Variants in BAZ2B observed in about 807,000 individuals in gnomAD.
BAZ2B encodes the protein bromodomain adjacent to zinc finger domain protein 2B.
In BAZ2B, 91 loss-of-function variants were observed where a neutral mutation model predicts 246.0. The observed-to-expected ratio is 0.37, with a 90% CI of 0.31 to 0.44. BAZ2B has a LOEUF of 0.44. BAZ2B is among the 20% of genes least tolerant of loss of function. BAZ2B has a pLI of 1.00. For missense variants in BAZ2B, 2,332 were observed against 2,533.7 expected (o/e 0.92, Z 1.71); for synonymous variants, 855 against 860.0 (o/e 0.99, Z 0.10).
chr2:159,707,884 G>A, the BAZ2B span, among the ~76,000 whole-genome samples: 44 of 151,822 alleles, frequency 2.9e-4, 1 homozygote, highest in Non-Finnish European at 1.0e-4. Context: ...CGAGCTACTC[G>A]GGAGGCTGAG....
At chr2:159,404,504 G>T (rs2065593036) in intron 16 of BAZ2B, 1 of 169,896 alleles carries the variant, frequency 5.9e-6, no homozygotes, top group African/African-American at 2.4e-5. Context: ...AGAAAAACAA[G>T]CTTTTATTAA....
chr2:159,682,019 T>C, the BAZ2B span, among the ~76,000 whole-genome samples: 1 of 152,022 alleles, frequency 6.6e-6, no homozygotes, highest in Non-Finnish European at 1.5e-5. Context: ...AGGATTAGTA[T>C]AAATGGGAGA....
At position 159,344,509 on chromosome 2, in the gene BAZ2B, G is replaced by A. The variant is rs1264150447; in HGVS notation, c.5454+2977C>T. ...AGATGGCGCCATTGAACTCCAGCCC[G>A]GGCAACAAGAGTGAAACTCCGTCTC... On this transcript the variant is annotated intron_variant, in intron 31 of 36. Transcript: ENST00000392783. 4.7e-5 allele frequency among the ~76,000 whole-genome samples: 7 copies of A among 148,072 alleles called. No homozygotes were observed. In the South Asian group the frequency reaches 8.7e-4, roughly 18 times the overall value.
At position 159,348,695 on chromosome 2, in the gene BAZ2B, C is replaced by A. The variant is rs913743342; in HGVS notation, c.5276G>T (p.Cys1759Phe). The A allele has an allele frequency of 1.9e-6, 3 of 1,600,662 alleles. No individual in the cohort carries two copies. The highest frequency in any genetic ancestry group is 4.5e-5 in the East Asian group (2 of 44,768). Residue 1759 changes from cysteine to phenylalanine, a missense_variant, in exon 30 of 37, where the codon TGC becomes TTC. By Grantham distance (205) the Cys-to-Phe change is radical (BLOSUM62 -2). Transcript: ENST00000392783. The part of the protein sequence containing the change: ...QKHLDYITQA[C>F]LKNKDVAIIE... Reference sequence around the variant, plus strand: ...GTACACACCATCCTTATTCTTGAGGCAGGCTTGAGTAATATAATCCAAATG... The same window carrying A: ...GTACACACCATCCTTATTCTTGAGGAAGGCTTGAGTAATATAATCCAAATG...
intron 18 of BAZ2B, 147 bp from the exon 19 acceptor site, chr2:159,397,536 TA>T: frequency 2.1e-6 from 1 of 485,800 alleles, no homozygotes; most frequent in South Asian, 4.4e-5. Context: ...TTTTTATTTA[TA>T]AAATGTCAAT....
At chr2:159,403,595 A>G (rs1210578822) in intron 16 of BAZ2B, among the ~76,000 whole-genome samples, 1 of 152,176 alleles carries the variant, frequency 6.6e-6, no homozygotes, top group Non-Finnish European at 1.5e-5. Context: ...TATTTTAACG[A>G]ATGCATTCAC....
chr2:159,684,011 C>T, the BAZ2B span, among the ~76,000 whole-genome samples: 2 of 152,224 alleles, frequency 1.3e-5, no homozygotes, highest in Non-Finnish European at 2.9e-5. Flanking sequence ...GCAACCACTG[C>T]TGTTAGTCCT....
At chr2:159,413,729 T>C (rs143836979) in intron 13 of BAZ2B, among the ~76,000 whole-genome samples, 13 of 151,982 alleles carry the variant, frequency 8.6e-5, no homozygotes, top group African/African-American at 3.1e-4. Context: ...AATAAATAAA[T>C]AGATAAACTG....
chr2:159,484,822 A>G (rs950503674), intron 2 of BAZ2B, among the ~76,000 whole-genome samples: 3 of 152,174 alleles, frequency 2.0e-5, no homozygotes, highest in Admixed American at 6.5e-5. Context: ...TATACCGTCA[A>G]GAAAAGCAAG....
intron 2 of BAZ2B, among the ~76,000 whole-genome samples, chr2:159,501,204 T>TA (rs541568872): frequency 6.1e-4 from 49 of 80,612 alleles, no homozygotes; most frequent in East Asian, 1.3e-3. Flanking sequence ...TATATATATT[T>TA]TTATATATAT....
intron 2 of BAZ2B, among the ~76,000 whole-genome samples, chr2:159,494,851 A>G (rs146255780): frequency 9.9e-4 from 150 of 151,504 alleles, no homozygotes; most frequent in African/African-American, 3.4e-3. Flanking sequence ...GATATAATGA[A>G]TAAGTCAATT....
At chr2:159,501,117 A>C (rs531994432) in intron 2 of BAZ2B, among the ~76,000 whole-genome samples, 137 of 48,358 alleles carry the variant, frequency 2.8e-3, no homozygotes, top group African/African-American at 8.3e-3. Flanking sequence ...TTAAAAATAT[A>C]TATATAATAT....
At chr2:159,468,131 A>T (rs1224724431) in intron 3 of BAZ2B, among the ~76,000 whole-genome samples, 1 of 152,206 alleles carries the variant, frequency 6.6e-6, no homozygotes, top group Admixed American at 6.5e-5. Context: ...CAGAGAATGA[A>T]GATAAATCTA....
At chr2:159,509,445 TG>T (rs2082676557) in intron 2 of BAZ2B, among the ~76,000 whole-genome samples, 1 of 152,290 alleles carries the variant, frequency 6.6e-6, no homozygotes, top group Non-Finnish European at 1.5e-5. Flanking sequence ...CTTTAAGAGG[TG>T]GCTATTTACA....
At chr2:159,621,666 G>A in the BAZ2B span, among the ~76,000 whole-genome samples, 1 of 152,142 alleles carries the variant, frequency 6.6e-6, no homozygotes, top group East Asian at 1.9e-4. Flanking sequence ...GGAAGAGATG[G>A]ACTTTTTGAT....
the BAZ2B span, among the ~76,000 whole-genome samples, chr2:159,671,231 G>T: frequency 7.2e-5 from 11 of 152,058 alleles, no homozygotes; most frequent in African/African-American, 2.4e-4. Flanking sequence ...AAGCTGTCAA[G>T]GTTGATGTTC....
chr2:159,507,211 A>G (rs1056459706), intron 2 of BAZ2B, among the ~76,000 whole-genome samples: 1 of 152,216 alleles, frequency 6.6e-6, no homozygotes, highest in African/African-American at 2.4e-5. Flanking sequence ...TTGAGAACAA[A>G]AAACTTGAGG....
At chr2:159,337,364 C>G in intron 32 of BAZ2B, 1 of 1,325,648 alleles carries the variant, frequency 7.5e-7, no homozygotes, top group Non-Finnish European at 1.0e-6. Flanking sequence ...GTATGGATCA[C>G]AGACATACAA....
At chr2:159,534,999 T>A (rs147120436) in intron 2 of BAZ2B, among the ~76,000 whole-genome samples, 5 of 152,214 alleles carry the variant, frequency 3.3e-5, no homozygotes, top group Non-Finnish European at 5.9e-5. Context: ...TAGAAACTTG[T>A]CTTATTTCTT....
Sources: gnomAD v4.1 joint callset for allele counts (sites outside exome capture counted in the v4.1 genomes callset) on GRCh38, gnomAD v4.1.1 for gene constraint, MANE v1.5 for transcripts, NCBI Gene and HGNC (gene_info 2026-07-23, HGNC 2026-07-21) for gene names.